The following GNAQ variants were observed in gnomAD, a reference collection of about 807,000 sequenced individuals.
GNAQ encodes G protein subunit alpha q.
GNAQ carries 8 observed loss-of-function variants against 43.9 expected under a neutral mutation model. The ratio of observed to expected loss-of-function variants is 0.18; its 90% CI spans 0.11 to 0.33. The LOEUF (loss-of-function observed/expected upper bound fraction) is 0.33, where lower values mean the gene tolerates loss of function less well. GNAQ is among the 10% of genes least tolerant of loss of function. The probability of loss-of-function intolerance (pLI) is 1.00; values close to 1 mark genes in which losing one functional copy is unlikely to be tolerated. For missense variants in GNAQ, 158 were observed against 450.8 expected, an observed-to-expected ratio of 0.35 and a Z score of 5.88; for synonymous variants, 155 against 170.7, an observed-to-expected ratio of 0.91 and a Z score of 0.71.
At chr9:77,914,828 C>CAAAAAAAAAAAAAA (rs71503232) in intron 2 of GNAQ, among the ~76,000 whole-genome samples, 1 of 98,152 alleles carries the variant, frequency 1.0e-5, no homozygotes. Flanking sequence ...TTTTGAACAC[C>CAAAAAAAAAAAAAA]AAAAAAAAAA....
intron 5 of GNAQ, among the ~76,000 whole-genome samples, chr9:77,780,488 ATAC>A (rs567991662): frequency 6.6e-6 from 1 of 150,762 alleles, no homozygotes; most frequent in South Asian, 2.1e-4. Context: ...GTGTACATAC[ATAC>A]TACATTTTCT....
At chr9:77,805,165 C>A (rs540211743) in intron 3 of GNAQ, among the ~76,000 whole-genome samples, 2 of 152,218 alleles carry the variant, frequency 1.3e-5, no homozygotes, top group Admixed American at 6.5e-5. Flanking sequence ...GTAGCATAAC[C>A]TACTCTAGTC....
intron 2 of GNAQ, among the ~76,000 whole-genome samples, chr9:77,885,806 A>G (rs1208992061): frequency 2.0e-5 from 3 of 152,176 alleles, no homozygotes; most frequent in African/African-American, 7.2e-5. Flanking sequence ...GGACCAAAAA[A>G]AAAAAAAGTG....
intron 4 of GNAQ, among the ~76,000 whole-genome samples, chr9:77,795,777 C>T (rs1019274128): frequency 6.6e-6 from 1 of 152,136 alleles, no homozygotes; most frequent in Non-Finnish European, 1.5e-5. Context: ...ACGTGAAATC[C>T]TCATTCCATG....
chr9:77,986,545 G>A (rs79100420), intron 1 of GNAQ, among the ~76,000 whole-genome samples: 3,505 of 152,116 alleles, frequency 0.023, 69 homozygotes, highest in Non-Finnish European at 0.035. Context: ...TCGTTCTGTC[G>A]CCCAGGCTAG....
chr9:77,828,458 C>T (rs563052710), intron 2 of GNAQ, among the ~76,000 whole-genome samples: 2 of 152,142 alleles, frequency 1.3e-5, no homozygotes, highest in African/African-American at 4.8e-5. Context: ...TGTAATTAAG[C>T]CTTTCCTAAT....
chr9:78,024,465 A>G (rs1227427891), intron 1 of GNAQ, among the ~76,000 whole-genome samples: 1 of 152,202 alleles, frequency 6.6e-6, no homozygotes, highest in Non-Finnish European at 1.5e-5. Flanking sequence ...TGCGATAAAG[A>G]TACAAGAGCA....
intron 1 of GNAQ, among the ~76,000 whole-genome samples, chr9:78,018,385 T>C (rs1823864666): frequency 6.6e-6 from 1 of 152,136 alleles, no homozygotes; most frequent in Non-Finnish European, 1.5e-5. Context: ...TGGTTCTTAG[T>C]TTAGACTGGT....
intron 3 of GNAQ, among the ~76,000 whole-genome samples, chr9:77,799,838 C>G (rs1826714805): frequency 6.6e-6 from 1 of 152,190 alleles, no homozygotes; most frequent in Admixed American, 6.5e-5. Flanking sequence ...AGCTGGCAAT[C>G]AGCTCTCTGT....
intron 5 of GNAQ, among the ~76,000 whole-genome samples, chr9:77,765,430 A>C (rs1179636641): frequency 6.6e-6 from 1 of 152,202 alleles, no homozygotes; most frequent in African/African-American, 2.4e-5. Flanking sequence ...CAACAACAAA[A>C]AACTACCTGA....
intron 2 of GNAQ, among the ~76,000 whole-genome samples, chr9:77,847,010 T>C (rs1489105643): frequency 6.6e-6 from 1 of 152,164 alleles, no homozygotes; most frequent in African/African-American, 2.4e-5. Flanking sequence ...AACACTGGAA[T>C]ACTTCGAACT....
At chr9:77,880,215 C>T (rs573228265) in intron 2 of GNAQ, among the ~76,000 whole-genome samples, 30 of 152,208 alleles carry the variant, frequency 2.0e-4, no homozygotes, top group African/African-American at 5.8e-4. Flanking sequence ...AGTTTCCCCA[C>T]CATAAAAAAG....
chr9:77,792,043 T>C (rs910332688), intron 5 of GNAQ, among the ~76,000 whole-genome samples: 8 of 146,724 alleles, frequency 5.5e-5, no homozygotes, highest in African/African-American at 1.7e-4. Context: ...AAAGGGGTAA[T>C]GAGACTACAT....
At chr9:77,953,318 ATGTCTCT>A (rs1823004203) in intron 1 of GNAQ, among the ~76,000 whole-genome samples, 1 of 152,208 alleles carries the variant, frequency 6.6e-6, no homozygotes, top group Admixed American at 6.5e-5. Flanking sequence ...TAATTAGTTC[ATGTCTCT>A]CAACAAAATC....
intron 5 of GNAQ, among the ~76,000 whole-genome samples, chr9:77,763,963 C>T (rs747917746): frequency 7.2e-5 from 11 of 152,226 alleles, no homozygotes; most frequent in Non-Finnish European, 1.3e-4. Context: ...TTGTTTTCTT[C>T]GAAGGCTTGG....
chr9:77,959,109 C>A (rs988287552), intron 1 of GNAQ, among the ~76,000 whole-genome samples: 13 of 152,076 alleles, frequency 8.5e-5, no homozygotes, highest in African/African-American at 2.9e-4. Flanking sequence ...AAGGAGAGGG[C>A]CCCAGAGTTC....
chr9:77,874,133 C>CA (rs1330612883), intron 2 of GNAQ, among the ~76,000 whole-genome samples: 1 of 150,868 alleles, frequency 6.6e-6, no homozygotes, highest in Non-Finnish European at 1.5e-5. Context: ...AACAAAAAAA[C>CA]AAAAAAACAA....
At chr9:77,857,516 G>C (rs1299617969) in intron 2 of GNAQ, among the ~76,000 whole-genome samples, 3 of 149,028 alleles carry the variant, frequency 2.0e-5, no homozygotes, top group African/African-American at 5.0e-5. Flanking sequence ...AAAGAAGGAA[G>C]GGAAGAAGGA....
chr9:77,813,662 G>A (rs1388768307), intron 3 of GNAQ, among the ~76,000 whole-genome samples: 2 of 152,178 alleles, frequency 1.3e-5, no homozygotes, highest in Non-Finnish European at 2.9e-5. Flanking sequence ...TCTATCCCAG[G>A]AGGAGGAGGC....
Sources: allele counts gnomAD v4.1 joint callset (sites outside exome capture counted in the v4.1 genomes callset), GRCh38; gene constraint gnomAD v4.1.1; transcripts MANE v1.5; gene names NCBI Gene and HGNC (gene_info 2026-07-23, HGNC 2026-07-21).